ZNF407: variants seen among roughly 807,000 people sequenced by gnomAD.
ZNF407 encodes zinc finger protein 407.
Under a neutral mutation model 131.2 loss-of-function variants are expected in ZNF407, and 17 were observed. The ratio of observed to expected loss-of-function variants is 0.13; its 90% CI spans 0.09 to 0.19. The LOEUF is 0.19. Ranked by LOEUF, ZNF407 falls within the 10% of genes least tolerant of loss-of-function variation. The probability of loss-of-function intolerance (pLI) is 1.00; values close to 1 mark genes in which losing one functional copy is unlikely to be tolerated. For synonymous variants in ZNF407, 1,156 were observed against 1,062.0 expected, an observed-to-expected ratio of 1.09 and a Z score of -1.72; for missense variants, 2,681 against 2,830.6, an observed-to-expected ratio of 0.95 and a Z score of 1.20.
chr18:75,012,950 TAAAA>T (rs34245737), intron 8 of ZNF407, among the ~76,000 whole-genome samples: 16 of 145,604 alleles, frequency 1.1e-4, no homozygotes, highest in African/African-American at 1.5e-4. Flanking sequence ...GGTCCTTTTT[TAAAA>T]AAAAAAAAAA....
chr18:75,032,551 C>G (rs908833470), intron 8 of ZNF407, among the ~76,000 whole-genome samples: 4 of 152,214 alleles, frequency 2.6e-5, no homozygotes, highest in African/African-American at 9.6e-5. Context: ...GCCCCAGCCT[C>G]TGGTTTGGAC....
rs918601551 is a variant in ZNF407, at chr18:74,722,314, C to T, written c.4803-59114C>T. Among the ~76,000 whole-genome samples the T allele has an allele frequency of 6.6e-5, 10 of 152,156 alleles. No homozygotes were observed. In the South Asian group the frequency reaches 1.9e-3, roughly 28 times the overall value. On this transcript the variant is annotated intron_variant, in intron 3 of 8. Transcript: ENST00000299687. ...CTTAAAATTTTCTCCTTCTGTTTCA[C>T]CTTTTTAAAAAAAGTTTTTAAAATA... is the stretch of plus-strand genomic sequence containing the variant.
At chr18:74,923,400 C>A (rs547469379) in intron 8 of ZNF407, among the ~76,000 whole-genome samples, 57 of 148,440 alleles carry the variant, frequency 3.8e-4, no homozygotes, top group African/African-American at 1.4e-3. Context: ...TATTTTAATT[C>A]TTTAAAATTT....
At chr18:74,774,309 G>A (rs1426034230) in intron 3 of ZNF407, among the ~76,000 whole-genome samples, 3 of 152,116 alleles carry the variant, frequency 2.0e-5, no homozygotes, top group East Asian at 1.9e-4. Context: ...CAGAATAATC[G>A]AGTTAGGCAA....
At chr18:74,601,758 C>T (rs922178713) in intron 1 of ZNF407, among the ~76,000 whole-genome samples, 7 of 152,156 alleles carry the variant, frequency 4.6e-5, no homozygotes, top group African/African-American at 1.7e-4. Flanking sequence ...AGGGACACCC[C>T]CGCCATAATT....
intron 7 of ZNF407, chr18:74,905,482 C>T (rs925199881): frequency 3.3e-5 from 5 of 152,256 alleles, no homozygotes; most frequent in South Asian, 2.1e-4. Context: ...CCTGGACAGC[C>T]GCGTGACTTG....
intron 3 of ZNF407, among the ~76,000 whole-genome samples, chr18:74,649,021 T>C (rs1392178235): frequency 1.3e-5 from 2 of 152,228 alleles, no homozygotes; most frequent in African/African-American, 4.8e-5. Context: ...CTCTTTCCCC[T>C]GCCTTAGCAT....
intron 8 of ZNF407, among the ~76,000 whole-genome samples, chr18:75,024,984 A>C (rs187103118): frequency 6.6e-6 from 1 of 152,214 alleles, no homozygotes; most frequent in Non-Finnish European, 1.5e-5. Context: ...ATGAATAATG[A>C]ATCTTTGAAT....
At chr18:74,608,398 G>T (rs893824879) in intron 1 of ZNF407, among the ~76,000 whole-genome samples, 32 of 149,658 alleles carry the variant, frequency 2.1e-4, no homozygotes, top group Non-Finnish European at 2.4e-4. Flanking sequence ...ACTCAGGCTG[G>T]AGTGCAGTGG....
At chr18:74,888,062 T>A (rs750046964) in intron 6 of ZNF407, among the ~76,000 whole-genome samples, 3 of 152,200 alleles carry the variant, frequency 2.0e-5, no homozygotes, top group Non-Finnish European at 4.4e-5. Flanking sequence ...AAGAGTAATT[T>A]TAAAGTAAGA....
chr18:74,696,767 G>C (rs1967368102), intron 3 of ZNF407, among the ~76,000 whole-genome samples: 1 of 152,128 alleles, frequency 6.6e-6, no homozygotes, highest in South Asian at 2.1e-4. Flanking sequence ...ATGGAAACTG[G>C]TACATCATGG....
At position 74,721,646 on chromosome 18, in the gene ZNF407, T is replaced by C. The variant is rs190440498; in HGVS notation, c.4803-59782T>C. Among the ~76,000 whole-genome samples, 21 of 152,346 alleles carry C rather than the reference T, an allele frequency of 1.4e-4. No homozygotes were observed. The East Asian group carries it at 3.5e-3, about 25-fold the overall frequency. On this transcript the variant is annotated intron_variant, in intron 3 of 8. Transcript: ENST00000299687. ...CTCTAAATGTAAAGTGAGTCTCTTG[T>C]AGCTAGCACATACTTTGGTCTTTTG...
At chr18:75,058,629 A>G (rs924228528) in intron 8 of ZNF407, among the ~76,000 whole-genome samples, 9 of 152,224 alleles carry the variant, frequency 5.9e-5, no homozygotes. Flanking sequence ...TTTTGGACAC[A>G]TAACAGTGAC....
At chr18:74,738,450 G>T (rs1159714128) in intron 3 of ZNF407, among the ~76,000 whole-genome samples, 2 of 129,560 alleles carry the variant, frequency 1.5e-5, no homozygotes, top group Middle Eastern at 9.3e-3. Flanking sequence ...AAAAAAAAAG[G>T]AGAAGTTGGC....
At chr18:74,980,896 C>T (rs577774436) in intron 8 of ZNF407, among the ~76,000 whole-genome samples, 1 of 152,274 alleles carries the variant, frequency 6.6e-6, no homozygotes, top group South Asian at 2.1e-4. Flanking sequence ...GCCTTCTCAG[C>T]CCCAGACACA....
At chr18:74,951,383 A>G (rs966728364) in intron 8 of ZNF407, among the ~76,000 whole-genome samples, 1 of 152,148 alleles carries the variant, frequency 6.6e-6, no homozygotes, top group Admixed American at 6.5e-5. Context: ...TTAAGTCAAC[A>G]TTGTCCCTCT....
At chr18:74,775,580 C>T (rs78672487) in intron 3 of ZNF407, among the ~76,000 whole-genome samples, 1 of 152,196 alleles carries the variant, frequency 6.6e-6, no homozygotes. Context: ...AAGTTTGAAA[C>T]CAGTCCTCAT....
At chr18:74,916,516 A>G (rs1316644694) in intron 7 of ZNF407, among the ~76,000 whole-genome samples, 1 of 85,060 alleles carries the variant, frequency 1.2e-5, no homozygotes, top group Non-Finnish European at 2.1e-5. Flanking sequence ...GTGTGCTGGT[A>G]TGGTGAGGTT....
At chr18:74,737,087 G>A (rs1181129045) in intron 3 of ZNF407, among the ~76,000 whole-genome samples, 1 of 152,166 alleles carries the variant, frequency 6.6e-6, no homozygotes, top group Non-Finnish European at 1.5e-5. Context: ...TTTATCAAAT[G>A]CAGTTTTGTA....
Sources: gnomAD v4.1 joint callset for allele counts (sites outside exome capture counted in the v4.1 genomes callset) on GRCh38, gnomAD v4.1.1 for gene constraint, MANE v1.5 for transcripts, NCBI Gene and HGNC (gene_info 2026-07-23, HGNC 2026-07-21) for gene names.